The following TENM4 variants were observed in gnomAD, a reference collection of about 807,000 sequenced individuals.
The protein encoded by TENM4 is teneurin transmembrane protein 4, also known as teneurin-4.
TENM4 carries 82 observed loss-of-function variants against 243.3 expected under a neutral mutation model. The ratio of observed to expected loss-of-function variants is 0.34; its 90% CI spans 0.28 to 0.40. The LOEUF (loss-of-function observed/expected upper bound fraction) is 0.40, where lower values mean the gene tolerates loss of function less well. Among genes scored for constraint, TENM4 ranks in the 10% least tolerant of loss-of-function variants. The pLI is 1.00. For synonymous variants in TENM4, 1,412 were observed against 1,456.3 expected (o/e 0.97, Z 0.69); for missense variants, 3,138 against 3,673.3 (o/e 0.85, Z 3.77).
At chr11:79,274,405 C>T (rs931656757) in intron 2 of TENM4, among the ~76,000 whole-genome samples, 1 of 152,226 alleles carries the variant, frequency 6.6e-6, no homozygotes, top group Non-Finnish European at 1.5e-5. Context: ...TGTCTTTCCA[C>T]AAAATCAACT....
chr11:79,349,013 C>T (rs142759556), intron 1 of TENM4, among the ~76,000 whole-genome samples: 36 of 152,234 alleles, frequency 2.4e-4, no homozygotes, highest in Non-Finnish European at 3.4e-4. Context: ...CTTGCCAAGC[C>T]CCTTCACTGT....
At chr11:78,928,077 T>C (rs1477514833) in intron 6 of TENM4, among the ~76,000 whole-genome samples, 1 of 152,182 alleles carries the variant, frequency 6.6e-6, no homozygotes, top group Non-Finnish European at 1.5e-5. Flanking sequence ...GTAGGGTCAC[T>C]GTCTTCTGTG....
At chr11:79,236,600 G>C (rs551850) in intron 2 of TENM4, among the ~76,000 whole-genome samples, 63,680 of 151,992 alleles carry the variant, frequency 0.42, 15,326 homozygotes, top group African/African-American at 0.66. Flanking sequence ...GAACACAACT[G>C]TACAGCAGGA....
chr11:78,897,788 C>G (rs776157307), intron 7 of TENM4, among the ~76,000 whole-genome samples: 2 of 152,236 alleles, frequency 1.3e-5, no homozygotes, highest in Non-Finnish European at 2.9e-5. Context: ...CCAGAAGGCA[C>G]TGTGTGTGCC....
chr11:79,200,580 C>A (rs148363085), intron 3 of TENM4, among the ~76,000 whole-genome samples: 7 of 152,344 alleles, frequency 4.6e-5, no homozygotes, highest in African/African-American at 1.7e-4. Flanking sequence ...GTGGCCAGGC[C>A]TGGTGCCCTT....
At chr11:78,740,444 A>G (rs1855901538) in intron 19 of TENM4, among the ~76,000 whole-genome samples, 1 of 152,060 alleles carries the variant, frequency 6.6e-6, no homozygotes, top group Admixed American at 6.6e-5. Flanking sequence ...CTTGGTCTAA[A>G]TGCAATTACA....
intron 9 of TENM4, among the ~76,000 whole-genome samples, chr11:78,882,683 A>G (rs1316770316): frequency 6.6e-6 from 1 of 152,206 alleles, no homozygotes; most frequent in East Asian, 1.9e-4. Flanking sequence ...GTTCACCTCT[A>G]TCACCATTTC....
intron 12 of TENM4, among the ~76,000 whole-genome samples, chr11:78,850,008 TTTCTGAAAAAAGCTTCCATGTTTTA>T (rs1858495433): frequency 6.6e-6 from 1 of 152,214 alleles, no homozygotes; most frequent in South Asian, 2.1e-4. Flanking sequence ...AAGCCTGTTG[TTTCTGAAAAAAGCTTCCATGTTTTA>T]TTCTAAAACT....
intron 24 of TENM4, among the ~76,000 whole-genome samples, chr11:78,722,137 A>G (rs1270172729): frequency 2.0e-5 from 3 of 152,120 alleles, no homozygotes; most frequent in Non-Finnish European, 4.4e-5. Flanking sequence ...GAACCTCCTG[A>G]GTAGCTAGGA....
intron 8 of TENM4, 138 bp downstream of exon 8, chr11:78,891,100 G>T: frequency 1.4e-6 from 1 of 714,190 alleles, no homozygotes; most frequent in Non-Finnish European, 2.4e-6. Context: ...GTTGCAAGTT[G>T]AACACGGACT....
chr11:79,199,803 G>T (rs572772138), intron 3 of TENM4, among the ~76,000 whole-genome samples: 1 of 152,284 alleles, frequency 6.6e-6, no homozygotes, highest in African/African-American at 2.4e-5. Flanking sequence ...ATCCTCTGCT[G>T]CCTGTTTTCC....
chr11:79,349,749 GCT>G (rs1198418214), intron 1 of TENM4, among the ~76,000 whole-genome samples: 8 of 152,204 alleles, frequency 5.3e-5, no homozygotes, highest in Non-Finnish European at 1.2e-4. Flanking sequence ...GGCCAGGAAA[GCT>G]CTCTCTGGAA....
At chr11:78,777,284 C>T (rs1482724751) in intron 17 of TENM4, among the ~76,000 whole-genome samples, 1 of 152,150 alleles carries the variant, frequency 6.6e-6, no homozygotes, top group African/African-American at 2.4e-5. Context: ...TATGAAGACC[C>T]TTGCTCTTCC....
At chr11:78,912,862 C>T (rs1241635232) in intron 6 of TENM4, among the ~76,000 whole-genome samples, 1 of 152,182 alleles carries the variant, frequency 6.6e-6, no homozygotes, top group South Asian at 2.1e-4. Context: ...GACTGGGCCA[C>T]CATTTGAATC....
chr11:79,308,875 G>T (rs1229933483), intron 1 of TENM4, among the ~76,000 whole-genome samples: 2 of 152,160 alleles, frequency 1.3e-5, no homozygotes, highest in Non-Finnish European at 2.9e-5. Flanking sequence ...CTGCTGTGAG[G>T]ACGGAATGAG....
chr11:78,721,078 T>C (rs1859638115), intron 24 of TENM4, among the ~76,000 whole-genome samples: 1 of 152,066 alleles, frequency 6.6e-6, no homozygotes, highest in Non-Finnish European at 1.5e-5. Context: ...CCAGGGAGGT[T>C]CAGTGATTAG....
intron 1 of TENM4, among the ~76,000 whole-genome samples, chr11:79,308,133 G>A (rs560591827): frequency 1.3e-5 from 2 of 152,368 alleles, no homozygotes; most frequent in South Asian, 4.1e-4. Context: ...GAGGAGCCAC[G>A]GGCCTAATCC....
chr11:78,795,448 A>G (rs1287846172), intron 15 of TENM4, among the ~76,000 whole-genome samples: 1 of 152,214 alleles, frequency 6.6e-6, no homozygotes. Flanking sequence ...CTTCCTAGCT[A>G]TGTGAAACAA....
intron 3 of TENM4, among the ~76,000 whole-genome samples, chr11:79,204,081 A>T (rs745722484): frequency 5.3e-5 from 8 of 151,930 alleles, no homozygotes; most frequent in Non-Finnish European, 1.2e-4. Context: ...CAAAGCAGGG[A>T]TGGGAATAAG....
Sources: gnomAD v4.1 joint callset for allele counts (sites outside exome capture counted in the v4.1 genomes callset) on GRCh38, gnomAD v4.1.1 for gene constraint, MANE v1.5 for transcripts, NCBI Gene and HGNC (gene_info 2026-07-23, HGNC 2026-07-21) for gene names.